Variants in TSPAN14 observed in about 807,000 individuals in gnomAD.
The protein encoded by TSPAN14 is tetraspanin-14.
Under a neutral mutation model 36.6 loss-of-function variants are expected in TSPAN14, and 16 were observed. The observed-to-expected ratio is 0.44, with a 90% CI of 0.30 to 0.66. TSPAN14 has a LOEUF of 0.66. Among genes scored for constraint, TSPAN14 ranks in the 30% least tolerant of loss-of-function variants. TSPAN14 has a pLI of 0.12. For missense variants in TSPAN14, 231 were observed against 355.1 expected, an observed-to-expected ratio of 0.65 and a Z score of 2.81; for synonymous variants, 139 against 143.8, an observed-to-expected ratio of 0.97 and a Z score of 0.24.
chr10:80,466,828 G>T (rs1846275751), intron 1 of TSPAN14, among the ~76,000 whole-genome samples: 1 of 152,206 alleles, frequency 6.6e-6, no homozygotes, highest in African/African-American at 2.4e-5. Context: ...GGAGGCAAAA[G>T]TTACAGGCAA....
At chr10:80,521,575 G>T (rs1047381900) in exon 9 of TSPAN14, 1 of 152,192 alleles carries the variant, frequency 6.6e-6, no homozygotes, top group African/African-American at 2.4e-5. Flanking sequence ...GGAGGATGCT[G>T]CAGGTGACTA....
In TSPAN14 at chr10:80,521,555, A is replaced by C. The variant is rs964245076; in HGVS notation, c.*3579A>C. The C allele has an allele frequency of 3.3e-5, 5 of 152,160 alleles. No individual in the cohort carries two copies. In the East Asian group the frequency reaches 7.7e-4, roughly 23 times the overall value. The allele number at this position is 152,160 out of a possible 1,614,324, so 9.4% of individuals were successfully genotyped here. ...CTTGGTAGAGACACTTCCCTCTGTC[A>C]TCGTGCCCAGGAGGATGCTGCAGGT... On this transcript the variant is annotated 3_prime_UTR_variant, in exon 9 of 9. Coordinates refer to ENST00000429989, the Ensembl canonical transcript of TSPAN14.
At chr10:80,510,558 C>T (rs965168023) in intron 5 of TSPAN14, among the ~76,000 whole-genome samples, 22 of 152,202 alleles carry the variant, frequency 1.4e-4, no homozygotes, top group African/African-American at 5.1e-4. Flanking sequence ...TAGTTTTCTG[C>T]ATTGACTTCT....
intron 2 of TSPAN14, among the ~76,000 whole-genome samples, chr10:80,503,322 T>C (rs1301719447): frequency 6.6e-6 from 1 of 152,306 alleles, no homozygotes; most frequent in African/African-American, 2.4e-5. Flanking sequence ...CTCTACCCCC[T>C]TGGCTTGGTG....
chr10:80,486,806 A>G (rs1589266033), intron 1 of TSPAN14, among the ~76,000 whole-genome samples: 1 of 152,244 alleles, frequency 6.6e-6, no homozygotes, highest in African/African-American at 2.4e-5. Flanking sequence ...GTTCTCTGTG[A>G]TAAATGTACT....
intron 7 of TSPAN14, 50 bp downstream of exon 7, chr10:80,514,113 C>A: frequency 3.3e-6 from 5 of 1,533,192 alleles, no homozygotes; most frequent in Non-Finnish European, 3.6e-6. Flanking sequence ...GTTTTATTCC[C>A]TGTGGTTCAA....
At chr10:80,475,683 G>A (rs138675455) in intron 1 of TSPAN14, among the ~76,000 whole-genome samples, 2,438 of 152,204 alleles carry the variant, frequency 0.016, 67 homozygotes, top group African/African-American at 0.056. Context: ...CGCCTCCTGG[G>A]TTCAAGCAGT....
chr10:80,482,732 CTTTTTTT>C (rs34769982), intron 1 of TSPAN14, among the ~76,000 whole-genome samples: 23 of 110,502 alleles, frequency 2.1e-4, no homozygotes, highest in East Asian at 2.3e-4. Flanking sequence ...TTTTCTTTTC[CTTTTTTT>C]TTTTTTTTTT....
intron 1 of TSPAN14, among the ~76,000 whole-genome samples, chr10:80,455,301 G>A (rs1845687427): frequency 6.6e-6 from 1 of 152,268 alleles, no homozygotes. Context: ...GGGGCTGGGC[G>A]CAGAGCGGTG....
intron 8 of TSPAN14, among the ~76,000 whole-genome samples, chr10:80,517,394 C>T (rs980220757): frequency 1.3e-5 from 2 of 152,232 alleles, no homozygotes; most frequent in African/African-American, 4.8e-5. Context: ...GTTAGAAGAA[C>T]ATCAGTCTCC....
chr10:80,513,881 G>A (rs1010775353), intron 6 of TSPAN14, 138 bp from the exon 7 acceptor site: 5 of 722,662 alleles, frequency 6.9e-6, no homozygotes, highest in Non-Finnish European at 1.2e-5. Context: ...GGATTAGTTG[G>A]TGGCATGATT....
intron 1 of TSPAN14, among the ~76,000 whole-genome samples, chr10:80,467,159 T>C (rs1360915096): frequency 6.6e-6 from 1 of 152,192 alleles, no homozygotes; most frequent in Non-Finnish European, 1.5e-5. Flanking sequence ...TATTTTAATA[T>C]TAATGATGGT....
Position 80,464,026 on chromosome 10 carries a change from A to C in TSPAN14, c.-18+9655A>C, listed in dbSNP as rs1017787867. Among the ~76,000 whole-genome samples, 26 of 152,232 alleles carry C rather than the reference A, an allele frequency of 1.7e-4. 1 individual carries two copies. Among genetic ancestry groups the C allele is most frequent in the Admixed American group, 1.7e-3 (26 of 15,284 alleles). ...TGTGCCCCTAAAAGTGTGAGGAGTCAGCCAGAGCGAGTTGGGGTGTAGGGA... is the reference window on the plus strand; with the variant it reads ...TGTGCCCCTAAAAGTGTGAGGAGTCCGCCAGAGCGAGTTGGGGTGTAGGGA... On this transcript the variant is annotated intron_variant, in intron 1 of 8. Coordinates refer to ENST00000429989, the Ensembl canonical transcript of TSPAN14.
chr10:80,472,522 C>T (rs1846611320), intron 1 of TSPAN14, among the ~76,000 whole-genome samples: 2 of 152,218 alleles, frequency 1.3e-5, no homozygotes, highest in Admixed American at 1.3e-4. Flanking sequence ...TATGCAAATA[C>T]AGTATGCTAT....
In TSPAN14 at chr10:80,509,536, C is replaced by G; in HGVS notation, c.450+65C>G. ...CTCCCTGTGCTGCCTGGAGCTGAGTCTAGCAGGGGCATCAGGCCTTCTCTG... is the reference window on the plus strand; with the variant it reads ...CTCCCTGTGCTGCCTGGAGCTGAGTGTAGCAGGGGCATCAGGCCTTCTCTG... On this transcript the variant is annotated intron_variant, in intron 5 of 8. Transcript: ENST00000429989. The surrounding 1 kb of genome is among the most constrained non-coding windows in gnomAD (Gnocchi z 4.7). 13 of 1,544,302 alleles carry G rather than the reference C, an allele frequency of 8.4e-6. No homozygotes were observed. Among genetic ancestry groups the G allele is most frequent in the Non-Finnish European group, 1.1e-5 (13 of 1,136,254 alleles).
chr10:80,487,148 G>A (rs1232290069), intron 1 of TSPAN14, among the ~76,000 whole-genome samples: 3 of 152,190 alleles, frequency 2.0e-5, no homozygotes, highest in South Asian at 2.1e-4. Flanking sequence ...TATAGCTACC[G>A]TTAGGTTAGT....
intron 3 of TSPAN14, 144 bp downstream of exon 3, chr10:80,504,922 CACAGCTCTTGCGT>C: frequency 1.1e-6 from 1 of 923,552 alleles, no homozygotes; most frequent in East Asian, 2.5e-5. Context: ...TCTTTACAGA[CACAGCTCTTGCGT>C]ACTCTGCCCA....
At chr10:80,508,119 CTTT>C (rs60175951) in intron 4 of TSPAN14, among the ~76,000 whole-genome samples, 4 of 133,652 alleles carry the variant, frequency 3.0e-5, no homozygotes, top group African/African-American at 3.0e-5. Flanking sequence ...CTTTTCTTTT[CTTT>C]TTTTTTTTTT....
chr10:80,494,010 G>A (rs932882826), intron 2 of TSPAN14, among the ~76,000 whole-genome samples: 2 of 152,248 alleles, frequency 1.3e-5, no homozygotes, highest in African/African-American at 2.4e-5. Context: ...GCATGCAGAG[G>A]TTGGATGAAG....
Sources: allele counts gnomAD v4.1 joint callset (sites outside exome capture counted in the v4.1 genomes callset), GRCh38; gene constraint gnomAD v4.1.1; non-coding constraint Gnocchi (gnomAD v3.1); transcripts MANE v1.5; gene names NCBI Gene and HGNC (gene_info 2026-07-23, HGNC 2026-07-21).